Variants in MTMR8 observed in about 807,000 individuals in gnomAD.
The protein encoded by MTMR8 is phosphatidylinositol-3,5-bisphosphate 3-phosphatase MTMR8.
Under a neutral mutation model 39.3 loss-of-function variants are expected in MTMR8, and 65 were observed. The ratio of observed to expected loss-of-function variants is 1.65; its 90% confidence interval spans 1.35 to 2.03. The LOEUF (loss-of-function observed/expected upper bound fraction) is 2.03. Ranked by LOEUF, MTMR8 falls within the 30% of genes most tolerant of loss-of-function variation. The pLI is 0.00. For synonymous variants in MTMR8, 245 were observed against 185.2 expected (o/e 1.32, Z -2.62); for missense variants, 777 against 538.9 (o/e 1.44, Z -4.37).
At chrX:64,354,208 A>T (rs1159685474) in intron 4 of MTMR8, among the ~76,000 whole-genome samples, 8 of 109,363 alleles carry the variant, frequency 7.3e-5, no homozygotes, top group African/African-American at 2.7e-4. Flanking sequence ...AGGATCCTCA[A>T]CGGGTACAAA....
chrX:64,268,323 A>C lies in MTMR8; in HGVS notation c.*214T>G, dbSNP rs1931671943. The C allele has an allele frequency of 2.5e-6, 1 of 393,192 alleles. No homozygotes were observed. 32.4% of individuals were successfully genotyped at this position (393,192 alleles called of 1,213,427 possible). A position where few individuals can be genotyped will look rare whatever the true frequency, so the allele number is the denominator to read the frequency against. The stretch of plus-strand genomic sequence containing the variant: ...TAGTTAAATCCCATTTTAGAACAAT[A>C]ACATATTCTTTCTCTTGCCTACACT... On this transcript the variant is annotated 3_prime_UTR_variant, in exon 14 of 14. Transcript: ENST00000374852.
intron 1 of MTMR8, among the ~76,000 whole-genome samples, chrX:64,392,860 G>GTC (rs1288708868): frequency 9.0e-6 from 1 of 111,147 alleles, no homozygotes; most frequent in East Asian, 2.8e-4. Flanking sequence ...CAAGGCAGAT[G>GTC]TCTCTCTCTT....
chrX:64,304,464 G>A (rs1474487641), intron 12 of MTMR8, among the ~76,000 whole-genome samples: 1 of 111,588 alleles, frequency 9.0e-6, no homozygotes, highest in Non-Finnish European at 1.9e-5. Flanking sequence ...CCATCACTGA[G>A]CCAGACATTC....
intron 1 of MTMR8, among the ~76,000 whole-genome samples, chrX:64,384,101 C>A (rs1395442080): frequency 8.9e-6 from 1 of 111,970 alleles, no homozygotes; most frequent in East Asian, 2.8e-4. Flanking sequence ...GAGTTATAGG[C>A]CCCATGCAAG....
chrX:64,386,088 C>T (rs1294831693), intron 1 of MTMR8, among the ~76,000 whole-genome samples: 1 of 110,559 alleles, frequency 9.0e-6, no homozygotes, highest in African/African-American at 3.3e-5. Flanking sequence ...TCTCTGCTTT[C>T]ACCCTGACAA....
chrX:64,310,280 C>T (rs991868234), intron 12 of MTMR8, among the ~76,000 whole-genome samples: 12 of 111,673 alleles, frequency 1.1e-4, no homozygotes, highest in Middle Eastern at 4.2e-3. Context: ...AGAAGCAACT[C>T]CTCATCCATT....
At chrX:64,349,766 T>C (rs1459837942) in intron 5 of MTMR8, among the ~76,000 whole-genome samples, 176 bp downstream of exon 5, 2 of 111,955 alleles carry the variant, frequency 1.8e-5, no homozygotes, top group Non-Finnish European at 3.8e-5. Flanking sequence ...ATTTACAAAG[T>C]ACATTGTACA....
rs1328196278 is a variant in MTMR8, at chrX:64,305,421, A to G, written c.1481+23351T>C. 1.1e-5 allele frequency: 3 copies of G among 273,179 alleles called. No homozygotes were observed. The East Asian group carries it at 2.4e-4, about 21-fold the overall frequency. The allele number at this position is 273,179 out of a possible 1,213,427, so 22.5% of individuals were successfully genotyped here. ...AATATTGGCATCTATTACTGCCTGT[A>G]TCTGCAGCTGATTACCTGCAGTGAT... On this transcript the variant is annotated intron_variant, in intron 12 of 13. Coordinates refer to ENST00000374852, the MANE Select transcript of MTMR8 (RefSeq NM_017677.4).
At chrX:64,291,004 C>T (rs1029648397) in intron 12 of MTMR8, among the ~76,000 whole-genome samples, 14 of 111,730 alleles carry the variant, frequency 1.3e-4, no homozygotes, top group African/African-American at 4.6e-4. Flanking sequence ...ATTGTTGGGG[C>T]ATATGGCATT....
intron 12 of MTMR8, among the ~76,000 whole-genome samples, chrX:64,300,960 G>A (rs1921844347): frequency 9.2e-6 from 1 of 108,840 alleles, no homozygotes; most frequent in Admixed American, 9.8e-5. Flanking sequence ...TTAGTCTGAT[G>A]GGCTTCCCTT....
chrX:64,294,402 C>T (rs1362670716), intron 12 of MTMR8, among the ~76,000 whole-genome samples: 1 of 111,480 alleles, frequency 9.0e-6, no homozygotes, highest in Non-Finnish European at 1.9e-5. Flanking sequence ...CGAACTTGTG[C>T]AGATATGACC....
intron 12 of MTMR8, among the ~76,000 whole-genome samples, chrX:64,279,861 G>A (rs1052348144): frequency 1.3e-4 from 14 of 111,952 alleles, no homozygotes; most frequent in Non-Finnish European, 2.6e-4. Context: ...TTTGATAACA[G>A]TGCCAAGATA....
At position 64,343,623 on chromosome X, in the gene MTMR8, A is replaced by T; in HGVS notation, c.963T>A (p.Ile321=). 1 of 1,190,988 alleles carries T rather than the reference A, an allele frequency of 8.4e-7. No individual in the cohort carries two copies. The highest frequency in any genetic ancestry group is 1.7e-5 in the African/African-American group (1 of 57,455). ...TCCTGATTATTACCTTTGTAATGAA[A>T]ATTCCAGCATCCATAATAGCTTTAA... The part of the protein sequence containing the change: ...RHIKAIMDAG[I]FITKAVKVEK... The change falls in exon 8 of 14, where the codon ATT becomes ATA. Residue 321 remains isoleucine, a synonymous_variant. Coordinates refer to ENST00000374852, the MANE Select transcript of MTMR8 (RefSeq NM_017677.4).
intron 8 of MTMR8, among the ~76,000 whole-genome samples, chrX:64,339,374 A>G (rs66799652): frequency 0.24 from 26,654 of 111,048 alleles, 7,701 homozygotes; most frequent in African/African-American, 0.83. Flanking sequence ...TGTGCCAAAC[A>G]CAACAGAGAG....
chrX:64,339,571 G>T (rs1854237006), intron 8 of MTMR8, among the ~76,000 whole-genome samples: 1 of 111,028 alleles, frequency 9.0e-6, no homozygotes, highest in African/African-American at 3.3e-5. Flanking sequence ...AGGAAAGAGG[G>T]CAATAACTAG....
chrX:64,349,945 GT>G lies in MTMR8; in HGVS notation c.593del (p.Asn198ThrfsTer20). 1 of 1,157,091 alleles carries G rather than the reference GT, an allele frequency of 8.6e-7. No homozygotes were observed. The highest frequency in any genetic ancestry group is 1.2e-6 in the Non-Finnish European group (1 of 867,538). The part of the protein sequence containing the change: ...VPVLSYLYKE[N>X]NAAICRCSQP... ...TAGAGAAATCTGCTTAACTTACATT[GT>G]TCTCTTTGTAGAGGTAGGAGAGCAC... On this transcript the variant is annotated frameshift_variant, in exon 5 of 14. Transcript: ENST00000374852. LOFTEE classifies it high-confidence loss of function.
chrX:64,391,830 A>T (rs747551288), intron 1 of MTMR8, among the ~76,000 whole-genome samples: 7 of 112,451 alleles, frequency 6.2e-5, no homozygotes, highest in African/African-American at 9.7e-5. Context: ...AAAGCTAGTT[A>T]AGTAGCAGAG....
chrX:64,380,495 G>A (rs928398815), intron 1 of MTMR8, among the ~76,000 whole-genome samples: 3 of 112,494 alleles, frequency 2.7e-5, no homozygotes, highest in Non-Finnish European at 5.6e-5. Context: ...ATTCCATTGT[G>A]TAGCCATTGT....
chrX:64,383,930 A>G (rs1157922273), intron 1 of MTMR8, among the ~76,000 whole-genome samples: 1 of 111,605 alleles, frequency 9.0e-6, no homozygotes, highest in Admixed American at 9.5e-5. Flanking sequence ...TCATCCCAGC[A>G]TTAACTCAAA....
Sources: allele counts gnomAD v4.1 joint callset (sites outside exome capture counted in the v4.1 genomes callset), GRCh38; gene constraint gnomAD v4.1.1; transcripts MANE v1.5; gene names NCBI Gene and HGNC (gene_info 2026-07-23, HGNC 2026-07-21).